FANCD2OS: variants seen among roughly 807,000 people sequenced by gnomAD.
FANCD2OS encodes FANCD2 opposite strand, also known as FANCD2 opposite strand protein.
Under a neutral mutation model 13.2 loss-of-function variants are expected in FANCD2OS, and 11 were observed. The observed-to-expected ratio is 0.83, with a 90% CI of 0.52 to 1.38. The LOEUF (loss-of-function observed/expected upper bound fraction) is 1.38, where lower values mean the gene tolerates loss of function less well. Among genes scored for constraint, FANCD2OS ranks in the 40% most tolerant of loss-of-function variants. The probability of loss-of-function intolerance (pLI) is 0.00; values close to 1 mark genes in which losing one functional copy is unlikely to be tolerated. For missense variants in FANCD2OS, 217 were observed against 213.9 expected, an observed-to-expected ratio of 1.01 and a Z score of -0.09; for synonymous variants, 69 against 84.5, an observed-to-expected ratio of 0.82 and a Z score of 1.01.
At chr3:10,082,069 A>G (rs542028497) in intron 2 of FANCD2OS, among the ~76,000 whole-genome samples, 1 of 152,186 alleles carries the variant, frequency 6.6e-6, no homozygotes, top group Non-Finnish European at 1.5e-5. Context: ...CTGCCTACGC[A>G]ACACCTCCTT....
At chr3:10,094,365 T>G (rs1456063602) in intron 2 of FANCD2OS, 1 of 1,610,882 alleles carries the variant, frequency 6.2e-7, no homozygotes, top group Non-Finnish European at 8.5e-7. Flanking sequence ...AAACACCGGG[T>G]AAGAGCTAAG....
chr3:10,092,030 C>T (rs542712397), intron 2 of FANCD2OS: 12 of 770,146 alleles, frequency 1.6e-5, no homozygotes, highest in South Asian at 1.2e-4. Flanking sequence ...GCCTCAGAAC[C>T]ATCTTGTGGA....
intron 1 of FANCD2OS, among the ~76,000 whole-genome samples, chr3:10,105,026 AT>A (rs1695431871): frequency 6.6e-6 from 1 of 151,872 alleles, no homozygotes; most frequent in African/African-American, 2.4e-5. Context: ...GGCTCACTGT[AT>A]TTTTTTGTAG....
intron 1 of FANCD2OS, among the ~76,000 whole-genome samples, chr3:10,107,407 C>T (rs1052342139): frequency 2.0e-5 from 3 of 151,984 alleles, no homozygotes; most frequent in African/African-American, 7.2e-5. Context: ...CCTGCCTCAG[C>T]CTCCCGTAGC....
chr3:10,104,861 G>A (rs548136447), intron 1 of FANCD2OS, 79 bp from the exon 2 acceptor site: 8 of 1,291,414 alleles, frequency 6.2e-6, no homozygotes, highest in Non-Finnish European at 8.5e-6. Flanking sequence ...TCCCATCTCT[G>A]TCTCACTATA....
chr3:10,081,763 T>G (rs1313272758), intron 2 of FANCD2OS, among the ~76,000 whole-genome samples: 6 of 152,062 alleles, frequency 3.9e-5, no homozygotes, highest in African/African-American at 1.4e-4. Context: ...AATTCCAGAT[T>G]GTTTGGTGAT....
At chr3:10,096,424 T>G (rs752376206) in intron 2 of FANCD2OS, 1 of 1,614,136 alleles carries the variant, frequency 6.2e-7, no homozygotes, top group Non-Finnish European at 8.5e-7. Context: ...CTCTCAACAA[T>G]TGTAGAGAGG....
At chr3:10,100,370 C>A (rs1401919348), downstream of FANCD2OS, among the ~76,000 whole-genome samples, 1 of 152,136 alleles carries the variant, frequency 6.6e-6, no homozygotes, top group Non-Finnish European at 1.5e-5. Flanking sequence ...TTGAGATACA[C>A]CAGCACAGCA....
At chr3:10,093,229 T>C in intron 2 of FANCD2OS, 2 of 1,387,748 alleles carry the variant, frequency 1.4e-6, no homozygotes, top group Non-Finnish European at 2.1e-6. Flanking sequence ...GGAAAGAGGC[T>C]GGAGTGCTCA....
rs559761781 is a variant in FANCD2OS, at chr3:10,104,134, A to G, written c.*107T>C. 31 of 1,068,674 alleles carry G rather than the reference A, an allele frequency of 2.9e-5. No homozygotes were observed. The highest frequency in any genetic ancestry group is 4.0e-5 in the Non-Finnish European group (30 of 756,468). 66.2% of individuals were successfully genotyped at this position (1,068,674 alleles called of 1,614,324 possible). ...CATCACTGCTTGAAACAAAAGCAAGATGGCTGGGACAATGTCACAGTTTCA... is the reference window on the plus strand; with the variant it reads ...CATCACTGCTTGAAACAAAAGCAAGGTGGCTGGGACAATGTCACAGTTTCA... On this transcript the variant is annotated 3_prime_UTR_variant, in exon 2 of 2. Coordinates refer to ENST00000450660, the MANE Select transcript of FANCD2OS (RefSeq NM_001164839.2).
In FANCD2OS at chr3:10,104,440, G is replaced by C; in HGVS notation, c.335C>G (p.Pro112Arg). The C allele has an allele frequency of 6.2e-7, 1 of 1,614,158 alleles. No homozygotes were observed. Among genetic ancestry groups the C allele is most frequent in the South Asian group, 1.1e-5 (1 of 91,080 alleles). ...VFGRVITAQP[P>R]KWTGTFRVSD... is the part of the protein sequence containing the mutation. ...AACTCTGAAAGTCCCGGTCCACTTT[G>C]GTGGCTGAGCTGTGATAACCCTGCC... Residue 112 changes from proline (P) to arginine (R), a missense_variant, in exon 2 of 2, where the codon CCA becomes CGA. Pro to Arg is a moderately radical substitution (Grantham distance 103, BLOSUM62 -2). Coordinates refer to ENST00000450660, the MANE Select transcript of FANCD2OS (RefSeq NM_001164839.2).
At chr3:10,101,101 C>T (rs2125105377), downstream of FANCD2OS, 3 of 980,910 alleles carry the variant, frequency 3.1e-6, no homozygotes, top group African/African-American at 3.2e-5. Context: ...GATAATAGTA[C>T]AGTTGTGTAT....
At chr3:10,085,843 T>G (rs1309107343) in intron 2 of FANCD2OS, 4 of 1,613,656 alleles carry the variant, frequency 2.5e-6, no homozygotes, top group African/African-American at 1.3e-5. Context: ...AAATCAGAAT[T>G]TACTGTATTC....
intron 2 of FANCD2OS, chr3:10,085,795 T>TA (rs1694158682): frequency 1.3e-6 from 2 of 1,558,508 alleles, no homozygotes; most frequent in South Asian, 2.2e-5. Context: ...TAACCCCTCT[T>TA]ACCTTGACTT....
Position 10,096,464 on chromosome 3 carries a change from G to A in FANCD2OS, c.*43+7734C>T, listed in dbSNP as rs1273669064. ...CTGGCTGGGCAATCTAAAAAACCGG[G>A]ACTTGCAGGTAAGCCTTGGATCCTG... On this transcript the variant is annotated intron_variant, in intron 2 of 2. Coordinates refer to the FANCD2OS transcript ENST00000524279. 6.2e-7 allele frequency: 1 copy of A among 1,613,934 alleles called. No individual in the cohort carries two copies. Among genetic ancestry groups the A allele is most frequent in the African/African-American group, 1.3e-5 (1 of 74,890 alleles).
At position 10,104,529 on chromosome 3, in the gene FANCD2OS, C is replaced by G; in HGVS notation, c.246G>C (p.Met82Ile). 1 of 1,614,188 alleles carries G rather than the reference C, an allele frequency of 6.2e-7. No individual in the cohort carries two copies. The highest frequency in any genetic ancestry group is 8.5e-7 in the Non-Finnish European group (1 of 1,180,050). The change falls in exon 2 of 2, where the codon ATG becomes ATC. Residue 82 changes from methionine to isoleucine, a missense_variant. By Grantham distance (10) the Met-to-Ile change is conservative. Coordinates refer to ENST00000450660, the MANE Select transcript of FANCD2OS (RefSeq NM_001164839.2). ...LPCHTSELRT[M>I]NNKGLVRKPQ... is the part of the protein sequence containing the mutation. The stretch of plus-strand genomic sequence containing the variant: ...GCTTCCTGACCAGTCCTTTGTTGTT[C>G]ATCGTGCGCAACTCTGATGTGTGGC...
chr3:10,092,364 C>T (rs1694670680), intron 2 of FANCD2OS: 2 of 845,850 alleles, frequency 2.4e-6, no homozygotes, highest in Admixed American at 1.7e-5. Flanking sequence ...TTGGGGCCTG[C>T]TCTCCCTGAG....
intron 2 of FANCD2OS, chr3:10,088,393 G>C: frequency 1.9e-6 from 2 of 1,054,514 alleles, no homozygotes; most frequent in South Asian, 2.5e-5. Context: ...AACCTGAAAA[G>C]CAAGAATGAG....
downstream of FANCD2OS, among the ~76,000 whole-genome samples, chr3:10,100,465 G>A (rs1486937411): frequency 1.3e-5 from 2 of 152,208 alleles, no homozygotes; most frequent in South Asian, 2.1e-4. Context: ...TCTGTCTCCC[G>A]AGTTCAAGCA....
Sources: gnomAD v4.1 joint callset for allele counts (sites outside exome capture counted in the v4.1 genomes callset) on GRCh38, gnomAD v4.1.1 for gene constraint, MANE v1.5 for transcripts, NCBI Gene and HGNC (gene_info 2026-07-23, HGNC 2026-07-21) for gene names.